Variants in YIF1B observed in about 807,000 individuals in gnomAD.
The protein encoded by YIF1B is Yip1 interacting factor homolog B, membrane trafficking protein, also known as protein YIF1B.
A neutral mutation model predicts 34.6 loss-of-function variants in YIF1B; 24 were observed. The ratio of observed to expected loss-of-function variants is 0.69; its 90% CI spans 0.50 to 0.98. The LOEUF (loss-of-function observed/expected upper bound fraction) is 0.98. Among genes scored for constraint, YIF1B ranks in the 50% least tolerant of loss-of-function variants. The probability of loss-of-function intolerance (pLI) is 0.00; values close to 1 mark genes in which losing one functional copy is unlikely to be tolerated. For missense variants in YIF1B, 368 were observed against 429.4 expected (o/e 0.86, Z 1.26); for synonymous variants, 186 against 184.8 (o/e 1.01, Z -0.05).
chr19:38,320,355 C>T, upstream of YIF1B: 1 of 1,418,884 alleles, frequency 7.0e-7, no homozygotes, highest in South Asian at 1.2e-5. Context: ...GGGGCCCTCA[C>T]GAATACCCTT....
In YIF1B at chr19:38,309,930, ACCCATCCAT is replaced by A. The variant is rs1969243530; in HGVS notation, c.59-296_59-288del. 4 of 934,260 alleles carry A rather than the reference ACCCATCCAT, an allele frequency of 4.3e-6. No individual in the cohort carries two copies. In the South Asian group the frequency reaches 8.6e-5, roughly 20 times the overall value. 57.9% of individuals were successfully genotyped at this position (934,260 alleles called of 1,614,324 possible). A position where few individuals can be genotyped will look rare whatever the true frequency, so the allele number is the denominator to read the frequency against. The stretch of plus-strand genomic sequence containing the variant: ...CATCTACCCACCCTCCCACTCACCC[ACCCATCCAT>A]CCATCTATCCATCTAACCATCCATC... On this transcript the variant is annotated intron_variant, in intron 1 of 7. Transcript: ENST00000339413.
intron 1 of YIF1B, 61 bp downstream of exon 1, chr19:38,315,799 C>G: frequency 3.3e-6 from 5 of 1,526,014 alleles, no homozygotes; most frequent in Non-Finnish European, 4.4e-6. Flanking sequence ...GTGACCTCGC[C>G]AACCGACGCG....
Position 38,311,292 on chromosome 19 carries a change from A to C in YIF1B, c.59-1649T>G, listed in dbSNP as rs147499042. ...ACACAGTGAGACCCTGTCTCAAAAA[A>C]AAAAAACAAAAAACAAAAAACAGAA... On this transcript the variant is annotated intron_variant, in intron 1 of 7. Transcript: ENST00000339413. Among the ~76,000 whole-genome samples the C allele has an allele frequency of 7.7e-3, 1,171 of 152,150 alleles. 19 individuals carry two copies. The highest frequency in any genetic ancestry group is 0.027 in the African/African-American group (1,108 of 41,516).
chr19:38,304,273 C>T lies in YIF1B; in HGVS notation c.*1079G>A. The T allele has an allele frequency of 1.9e-6, 3 of 1,613,790 alleles. No homozygotes were observed. The highest frequency in any genetic ancestry group is 2.5e-6 in the Non-Finnish European group (3 of 1,180,036). ...CTTCTCTTACCGCCATGGAGTTCGA[C>T]CTGGGAGCAGGTGAGCTCCTGGGGA... On this transcript the variant is annotated 3_prime_UTR_variant, in exon 8 of 8. Coordinates refer to ENST00000339413, the MANE Select transcript of YIF1B (RefSeq NM_001039672.3).
At chr19:38,311,108 G>A (rs1467525897) in intron 1 of YIF1B, among the ~76,000 whole-genome samples, 4 of 151,962 alleles carry the variant, frequency 2.6e-5, no homozygotes, top group Admixed American at 6.6e-5. Flanking sequence ...GCAACATGGC[G>A]AGACCCCATC....
chr19:38,307,814 T>C (rs2146300209), intron 5 of YIF1B, 62 bp from the exon 6 acceptor site: 1 of 1,588,174 alleles, frequency 6.3e-7, no homozygotes, highest in African/African-American at 1.3e-5. Flanking sequence ...CCAGCACCCA[T>C]CTGGGGACAG....
intron 1 of YIF1B, among the ~76,000 whole-genome samples, chr19:38,312,413 T>C (rs183230422): frequency 9.6e-4 from 142 of 148,022 alleles, no homozygotes; most frequent in African/African-American, 3.4e-3. Flanking sequence ...AGGCCCTCTT[T>C]AAAAAAAAAA....
rs761006391 is a variant in YIF1B, at chr19:38,309,007, G to A, written c.453C>T (p.Asp151=). The A allele has an allele frequency of 1.5e-5, 24 of 1,577,478 alleles. No individual in the cohort carries two copies. In the East Asian group the frequency reaches 1.6e-4, roughly 11 times the overall value. Residue 151 remains aspartate (D), a synonymous_variant, in exon 4 of 8, where the codon GAC becomes GAT. Transcript: ENST00000339413. The part of the protein sequence containing the change: ...QQDTPVAPRF[D]VNAPDLYIPA... Reference sequence around the variant, plus strand: ...GAATGTAGAGGTCCGGGGCATTGACGTCAAAGCGGGGGGCCACCGGGGTGT... The same window carrying A: ...GAATGTAGAGGTCCGGGGCATTGACATCAAAGCGGGGGGCCACCGGGGTGT...
intron 7 of YIF1B, among the ~76,000 whole-genome samples, chr19:38,305,791 C>T (rs1968993039): frequency 2.0e-5 from 3 of 152,220 alleles, no homozygotes; most frequent in Admixed American, 1.3e-4. Flanking sequence ...GGGGACTTCC[C>T]GGTGGACACC....
In YIF1B at chr19:38,315,701, C is replaced by G. The variant is rs189665578; in HGVS notation, c.58+159G>C. The G allele has an allele frequency of 1.8e-5, 29 of 1,607,630 alleles. No individual in the cohort carries two copies. In the East Asian group the frequency reaches 4.7e-4, roughly 26 times the overall value. On this transcript the variant is annotated intron_variant, in intron 1 of 7. Transcript: ENST00000339413. ...AAGGAATTTCCTAAAGAATCGCCCCCCAAGGGGCCTCCTACCCGAACCTGG... is the reference window on the plus strand; with the variant it reads ...AAGGAATTTCCTAAAGAATCGCCCCGCAAGGGGCCTCCTACCCGAACCTGG...
intron 1 of YIF1B, chr19:38,315,657 C>G: frequency 1.3e-6 from 2 of 1,578,236 alleles, no homozygotes; most frequent in South Asian, 1.2e-5. Context: ...GCTATCCAGT[C>G]CCAAGTTGTT....
At chr19:38,315,334 C>G (rs1442861845) in intron 1 of YIF1B, 2 of 1,062,206 alleles carry the variant, frequency 1.9e-6, no homozygotes, top group East Asian at 7.7e-5. Flanking sequence ...CTCAGGGCTC[C>G]CACAACATCT....
At position 38,306,478 on chromosome 19, in the gene YIF1B, T is replaced by G. The variant is rs542115643; in HGVS notation, c.789+950A>C. Among the ~76,000 whole-genome samples, 6 of 152,230 alleles carry G rather than the reference T, an allele frequency of 3.9e-5. No homozygotes were observed. In the South Asian group the frequency reaches 1.2e-3, roughly 32 times the overall value. ...CTCCTGCCTCAGCCTGCCAAAGTGCTGGGATCACAGATGTGAGTCACGTGC... is the reference window on the plus strand; with the variant it reads ...CTCCTGCCTCAGCCTGCCAAAGTGCGGGGATCACAGATGTGAGTCACGTGC... On this transcript the variant is annotated intron_variant, in intron 7 of 7. Transcript: ENST00000339413.
In YIF1B at chr19:38,309,334, GA is replaced by G; in HGVS notation, c.298-7del. 1 of 1,614,006 alleles carries G rather than the reference GA, an allele frequency of 6.2e-7. No homozygotes were observed. The highest frequency in any genetic ancestry group is 8.5e-7 in the Non-Finnish European group (1 of 1,179,930). Reference sequence around the variant, plus strand: ...ATGGGGATGAAGCGGTCGATCTGGGGAGGCAGAGCTCAAGTCTGAAGCCCTG... The same window carrying G: ...ATGGGGATGAAGCGGTCGATCTGGGGGGCAGAGCTCAAGTCTGAAGCCCTG... On this transcript the variant is annotated splice_polypyrimidine_tract_variant and splice_region_variant and intron_variant, in intron 2 of 7. Coordinates refer to ENST00000339413, the MANE Select transcript of YIF1B (RefSeq NM_001039672.3).
chr19:38,321,844 G>C (rs1969655538), upstream of YIF1B, among the ~76,000 whole-genome samples: 1 of 152,204 alleles, frequency 6.6e-6, no homozygotes, highest in South Asian at 2.1e-4. Flanking sequence ...CCAGATCCTG[G>C]CTTCTAAGAA....
At chr19:38,320,310 G>A, upstream of YIF1B, 1 of 1,599,160 alleles carries the variant, frequency 6.3e-7, no homozygotes, top group Non-Finnish European at 8.5e-7. Context: ...CGAGGACCCG[G>A]GATCCCCACT....
intron 5 of YIF1B, 93 bp downstream of exon 5, chr19:38,308,699 A>G (rs1969169893): frequency 6.6e-7 from 1 of 1,522,696 alleles, no homozygotes; most frequent in Non-Finnish European, 9.1e-7. Context: ...GCTGTCCTGA[A>G]AGGGGAACTG....
chr19:38,305,248 T>C lies in YIF1B; in HGVS notation c.*104A>G. On this transcript the variant is annotated 3_prime_UTR_variant, in exon 8 of 8. Coordinates refer to ENST00000339413, the MANE Select transcript of YIF1B (RefSeq NM_001039672.3). ...GGACATGGGATGGAGGCGGTGCCTGTGGCCAGACAGGGTGGACCTTGGGGC... is the reference window on the plus strand; with the variant it reads ...GGACATGGGATGGAGGCGGTGCCTGCGGCCAGACAGGGTGGACCTTGGGGC... The C allele has an allele frequency of 6.7e-7, 1 of 1,482,522 alleles. No individual in the cohort carries two copies. The highest frequency in any genetic ancestry group is 2.2e-5 in the Admixed American group (1 of 44,952). 91.8% of individuals were successfully genotyped at this position (1,482,522 alleles called of 1,614,324 possible).
upstream of YIF1B, chr19:38,315,952 C>A: frequency 7.2e-7 from 1 of 1,398,376 alleles, no homozygotes. Context: ...CGGTTCGGAG[C>A]GTGCCCGCCC....
Sources: allele counts gnomAD v4.1 joint callset (sites outside exome capture counted in the v4.1 genomes callset), GRCh38; gene constraint gnomAD v4.1.1; transcripts MANE v1.5; gene names NCBI Gene and HGNC (gene_info 2026-07-23, HGNC 2026-07-21).